The following TMEM164 variants were observed in gnomAD, a reference collection of about 807,000 sequenced individuals.
TMEM164 encodes transmembrane protein 164, also known as RP13-360B22.2.
A neutral mutation model predicts 18.8 loss-of-function variants in TMEM164; 4 were observed. The ratio of observed to expected loss-of-function variants is 0.21; its 90% CI spans 0.10 to 0.49. TMEM164 has a LOEUF of 0.49. Ranked by LOEUF, TMEM164 falls within the 20% of genes least tolerant of loss-of-function variation. The pLI is 0.98. For synonymous variants in TMEM164, 86 were observed against 101.7 expected (o/e 0.85, Z 0.93); for missense variants, 108 against 239.9 (o/e 0.45, Z 3.63).
chrX:110,132,697 G>C (rs2066629724), intron 4 of TMEM164, among the ~76,000 whole-genome samples: 1 of 111,521 alleles, frequency 9.0e-6, no homozygotes, highest in South Asian at 3.7e-4. Flanking sequence ...TTTCACTGTG[G>C]CATAACATTT....
downstream of TMEM164, among the ~76,000 whole-genome samples, chrX:110,183,938 G>A (rs1267918665): frequency 9.0e-6 from 1 of 111,731 alleles, no homozygotes; most frequent in Non-Finnish European, 1.9e-5. Flanking sequence ...AGGGTTTCTA[G>A]GGCAATGAGA....
chrX:110,152,009 G>A (rs1220566569), intron 5 of TMEM164, among the ~76,000 whole-genome samples: 19 of 108,189 alleles, frequency 1.8e-4, no homozygotes, highest in Non-Finnish European at 3.1e-4. Context: ...TTGCCATGCA[G>A]GATTTTAAAA....
intron 5 of TMEM164, among the ~76,000 whole-genome samples, chrX:110,157,570 G>A (rs778876687): frequency 9.0e-6 from 1 of 111,666 alleles, no homozygotes; most frequent in East Asian, 2.8e-4. Context: ...AGAGAAAGGG[G>A]AGTGGATGAA....
chrX:110,177,773 A>G lies in TMEM164; in HGVS notation c.*4322A>G, dbSNP rs2067306150. On this transcript the variant is annotated 3_prime_UTR_variant, in exon 7 of 7. Transcript: ENST00000372068. ...TAATGTTTCTTCATTTACTGTTATT[A>G]AAAGATTTATGAGAACCCAGGAGTC... 1 of 112,097 alleles carries G rather than the reference A, an allele frequency of 8.9e-6. No homozygotes were observed. The highest frequency in any genetic ancestry group is 3.7e-4 in the South Asian group (1 of 2,694). 9.2% of individuals were successfully genotyped at this position (112,097 alleles called of 1,213,427 possible).
intron 5 of TMEM164, among the ~76,000 whole-genome samples, chrX:110,168,559 C>T (rs778281395): frequency 7.1e-5 from 8 of 112,475 alleles, no homozygotes; most frequent in Admixed American, 1.9e-4. Flanking sequence ...GGAATTTCTC[C>T]ATCTATAAAA....
chrX:110,055,117 C>T (rs1935758512), intron 2 of TMEM164, among the ~76,000 whole-genome samples: 1 of 111,633 alleles, frequency 9.0e-6, no homozygotes. Flanking sequence ...GCTGGAGAAA[C>T]ATCAGTAACA....
intron 3 of TMEM164, among the ~76,000 whole-genome samples, chrX:110,107,371 A>T (rs1226331353): frequency 8.9e-6 from 1 of 112,175 alleles, no homozygotes; most frequent in East Asian, 2.8e-4. Context: ...CCTATCTCAG[A>T]AGATTGGTAT....
intron 5 of TMEM164, among the ~76,000 whole-genome samples, chrX:110,168,879 A>G (rs1420045368): frequency 1.8e-5 from 2 of 112,757 alleles, no homozygotes; most frequent in Non-Finnish European, 3.7e-5. Flanking sequence ...CTCATATAAC[A>G]ATGAAAATAA....
At chrX:110,004,712 G>A (rs1178073632) in intron 2 of TMEM164, among the ~76,000 whole-genome samples, 1 of 112,395 alleles carries the variant, frequency 8.9e-6, no homozygotes, top group Non-Finnish European at 1.9e-5. Flanking sequence ...TGCATTTTGA[G>A]GCATTGGAGC....
intron 2 of TMEM164, among the ~76,000 whole-genome samples, chrX:110,026,686 A>G (rs778582141): frequency 8.9e-6 from 1 of 112,287 alleles, no homozygotes; most frequent in African/African-American, 3.2e-5. Flanking sequence ...GTGCAGAGCA[A>G]CTAAATAGCT....
chrX:110,042,397 GTATAGATCACATTT>G (rs1398447989), intron 2 of TMEM164, among the ~76,000 whole-genome samples: 1 of 111,996 alleles, frequency 8.9e-6, no homozygotes, highest in Non-Finnish European at 1.9e-5. Flanking sequence ...TATATTGTAT[GTATAGATCACATTT>G]TATTTATCTG....
intron 2 of TMEM164, among the ~76,000 whole-genome samples, chrX:110,060,286 AAAAG>A (rs1381755677): frequency 6.0e-5 from 6 of 100,123 alleles, no homozygotes; most frequent in Non-Finnish European, 1.3e-4. Context: ...AAAAAAAAAG[AAAAG>A]AAAAAGAAAA....
At position 110,014,329 on chromosome X, in the gene TMEM164, G is replaced by A. The variant is rs186052748; in HGVS notation, c.390+10165G>A. Among the ~76,000 whole-genome samples the A allele has an allele frequency of 2.4e-3, 271 of 111,556 alleles. 1 individual carries two copies. Among genetic ancestry groups the A allele is most frequent in the Non-Finnish European group, 4.3e-3 (229 of 53,118 alleles). ...TTCCCTGGCATCATAATTTCATGCA[G>A]TGGGCAAAGGTATTGGTTCCATGAA... is the stretch of plus-strand genomic sequence containing the variant. On this transcript the variant is annotated intron_variant, in intron 2 of 6. Coordinates refer to ENST00000372068, the MANE Select transcript of TMEM164 (RefSeq NM_032227.4).
chrX:110,059,529 G>A (rs750094075), intron 2 of TMEM164, among the ~76,000 whole-genome samples: 9 of 111,393 alleles, frequency 8.1e-5, no homozygotes, highest in Non-Finnish European at 1.3e-4. Flanking sequence ...ATTCTGATAC[G>A]TACTGTGATG....
intron 4 of TMEM164, among the ~76,000 whole-genome samples, chrX:110,143,084 A>C (rs936131941): frequency 5.3e-5 from 6 of 112,331 alleles, no homozygotes; most frequent in Non-Finnish European, 9.4e-5. Flanking sequence ...CCTTAGGTGC[A>C]TGAAGGTGCT....
intron 2 of TMEM164, among the ~76,000 whole-genome samples, chrX:110,009,993 A>T: frequency 9.9e-6 from 1 of 100,994 alleles, no homozygotes; most frequent in East Asian, 3.1e-4. Context: ...ACTCTGTCTC[A>T]AAAAAAAAAA....
At chrX:110,051,667 G>A (rs1379322598) in intron 2 of TMEM164, among the ~76,000 whole-genome samples, 1 of 111,255 alleles carries the variant, frequency 9.0e-6, no homozygotes, top group Admixed American at 9.5e-5. Context: ...TGTAACAGTG[G>A]CTTGAGGATT....
intron 3 of TMEM164, among the ~76,000 whole-genome samples, chrX:110,094,860 G>A (rs1341515363): frequency 1.8e-5 from 2 of 111,822 alleles, no homozygotes; most frequent in Non-Finnish European, 3.8e-5. Flanking sequence ...AGGAGCTCTT[G>A]TAAGGCAGGC....
At chrX:110,086,505 A>G (rs945589403) in intron 3 of TMEM164, among the ~76,000 whole-genome samples, 7 of 110,849 alleles carry the variant, frequency 6.3e-5, no homozygotes, top group Non-Finnish European at 1.1e-4. Context: ...GCTGGCAGTC[A>G]TGGTTACACA....
Sources: gnomAD v4.1 joint callset for allele counts (sites outside exome capture counted in the v4.1 genomes callset) on GRCh38, gnomAD v4.1.1 for gene constraint, MANE v1.5 for transcripts, NCBI Gene and HGNC (gene_info 2026-07-23, HGNC 2026-07-21) for gene names.